Variants in SCFD2 observed in about 807,000 individuals in gnomAD.
The protein encoded by SCFD2 is sec1 family domain containing 2.
In SCFD2, 54 loss-of-function variants were observed where a neutral mutation model predicts 58.9. The observed-to-expected ratio is 0.92, with a 90% CI of 0.74 to 1.15. The LOEUF is 1.15. SCFD2 is among the 50% of genes most tolerant of loss of function. SCFD2 has a pLI of 0.00. For missense variants in SCFD2, 805 were observed against 836.6 expected (o/e 0.96, Z 0.47); for synonymous variants, 321 against 335.9 (o/e 0.96, Z 0.49).
rs1410150001 is a variant in SCFD2, at chr4:53,138,853, T to C, written c.1561+6480A>G. Among the ~76,000 whole-genome samples the C allele has an allele frequency of 3.1e-3, 434 of 141,628 alleles. 1 individual carries two copies. Among genetic ancestry groups the C allele is most frequent in the South Asian group, 5.4e-3 (22 of 4,110 alleles). The allele number at this position is 141,628 out of a possible 152,430, so 92.9% of individuals were successfully genotyped here. A position where few individuals can be genotyped will look rare whatever the true frequency, so the allele number is the denominator to read the frequency against. ...TATTTAACAGATGAAAGAAAATCCC[T>C]CTCCCCCTCCCCCTCCCCCTCCCTC... is the stretch of plus-strand genomic sequence containing the variant. On this transcript the variant is annotated intron_variant, in intron 5 of 8. Transcript: ENST00000401642.
chr4:53,194,232 C>T (rs1293439834), intron 4 of SCFD2, among the ~76,000 whole-genome samples: 1 of 152,082 alleles, frequency 6.6e-6, no homozygotes. Flanking sequence ...CTTTTTGTCT[C>T]GTGTGTAAAC....
At chr4:53,259,959 A>ATTTT (rs3065029) in intron 4 of SCFD2, among the ~76,000 whole-genome samples, 15 of 142,132 alleles carry the variant, frequency 1.1e-4, no homozygotes, top group Non-Finnish European at 1.5e-4. Context: ...ATAACCAGGT[A>ATTTT]TTTTTTTTTT....
At chr4:52,977,935 T>C (rs988416851) in intron 5 of SCFD2, among the ~76,000 whole-genome samples, 1 of 152,104 alleles carries the variant, frequency 6.6e-6, no homozygotes, top group Non-Finnish European at 1.5e-5. Flanking sequence ...AAGCCTGGAG[T>C]CAAGTATGAG....
chr4:52,899,138 A>G (rs59179284), intron 7 of SCFD2, among the ~76,000 whole-genome samples: 3,341 of 152,314 alleles, frequency 0.022, 133 homozygotes, highest in African/African-American at 0.077. Flanking sequence ...TGGAGCATGT[A>G]GCCCATTTAC....
intron 3 of SCFD2, among the ~76,000 whole-genome samples, chr4:53,309,400 CAAATT>C (rs1481690960): frequency 1.3e-5 from 2 of 152,092 alleles, no homozygotes; most frequent in Admixed American, 6.6e-5. Context: ...ACTAGGAGAG[CAAATT>C]AAGAAGTATC....
chr4:52,950,091 G>C (rs550374913), intron 5 of SCFD2: 6 of 152,336 alleles, frequency 3.9e-5, no homozygotes, highest in Admixed American at 2.0e-4. Flanking sequence ...AATTAAATCT[G>C]AGGACAAAAG....
At chr4:53,232,832 C>A (rs1363561486) in intron 4 of SCFD2, among the ~76,000 whole-genome samples, 1 of 152,188 alleles carries the variant, frequency 6.6e-6, no homozygotes, top group African/African-American at 2.4e-5. Flanking sequence ...CACTCTTCTA[C>A]ATCTTCCACC....
At chr4:53,281,343 G>A (rs1321791798) in intron 3 of SCFD2, among the ~76,000 whole-genome samples, 2 of 152,136 alleles carry the variant, frequency 1.3e-5, no homozygotes, top group African/African-American at 4.8e-5. Flanking sequence ...CATGAGCCCT[G>A]ACTCCTAGTA....
intron 2 of SCFD2, among the ~76,000 whole-genome samples, chr4:53,329,283 C>T (rs963453120): frequency 1.3e-5 from 2 of 152,214 alleles, no homozygotes; most frequent in Non-Finnish European, 2.9e-5. Context: ...GGCTTCACCT[C>T]TGGGGGCAGG....
At chr4:53,077,755 T>G (rs1406339354) in intron 5 of SCFD2, among the ~76,000 whole-genome samples, 1 of 152,156 alleles carries the variant, frequency 6.6e-6, no homozygotes, top group Non-Finnish European at 1.5e-5. Flanking sequence ...CATTTATTTC[T>G]AATAATAATA....
chr4:53,233,362 T>A lies in SCFD2; in HGVS notation c.1311+40464A>T, dbSNP rs530786972. On this transcript the variant is annotated intron_variant, in intron 4 of 8. Coordinates refer to ENST00000401642, the MANE Select transcript of SCFD2 (RefSeq NM_152540.4). ...TTTGGTCATGCAAGAATAACCAGAATGGTTGTATCCTCCTTGTTTTTCACA... is the reference window on the plus strand; with the variant it reads ...TTTGGTCATGCAAGAATAACCAGAAAGGTTGTATCCTCCTTGTTTTTCACA... Among the ~76,000 whole-genome samples the A allele has an allele frequency of 2.0e-5, 3 of 152,064 alleles. No individual in the cohort carries two copies. The East Asian group carries it at 5.8e-4, about 30-fold the overall frequency.
At chr4:53,310,860 T>C (rs1269328394) in intron 3 of SCFD2, among the ~76,000 whole-genome samples, 1 of 152,200 alleles carries the variant, frequency 6.6e-6, no homozygotes, top group East Asian at 1.9e-4. Flanking sequence ...TAAATTTAAA[T>C]ACAAGGGAAT....
intron 4 of SCFD2, among the ~76,000 whole-genome samples, chr4:53,169,969 C>T (rs984236482): frequency 2.0e-5 from 3 of 152,246 alleles, no homozygotes; most frequent in African/African-American, 7.2e-5. Context: ...TATTTTCTCC[C>T]AGTCTCTCTA....
At chr4:52,922,313 A>T (rs1446823961) in intron 5 of SCFD2, among the ~76,000 whole-genome samples, 1 of 152,092 alleles carries the variant, frequency 6.6e-6, no homozygotes, top group African/African-American at 2.4e-5. Context: ...TGTCACCCCA[A>T]CAAGAAATCC....
At chr4:53,190,578 CACGGCATTAT>C (rs1727864424) in intron 4 of SCFD2, among the ~76,000 whole-genome samples, 1 of 152,074 alleles carries the variant, frequency 6.6e-6, no homozygotes, top group African/African-American at 2.4e-5. Flanking sequence ...GGCATTTATC[CACGGCATTAT>C]ACTTTCTAAT....
intron 7 of SCFD2, among the ~76,000 whole-genome samples, chr4:52,897,147 T>G (rs969550542): frequency 6.6e-6 from 1 of 151,600 alleles, no homozygotes; most frequent in African/African-American, 2.4e-5. Flanking sequence ...ATACCCTTTA[T>G]TTCCTTCTCC....
chr4:53,235,608 G>A (rs1424010628), intron 4 of SCFD2, among the ~76,000 whole-genome samples: 1 of 152,216 alleles, frequency 6.6e-6, no homozygotes, highest in Non-Finnish European at 1.5e-5. Flanking sequence ...ATTCAGGGAA[G>A]TCCTCCTTGA....
chr4:53,172,737 C>T (rs1467674058), intron 4 of SCFD2, among the ~76,000 whole-genome samples: 2 of 152,156 alleles, frequency 1.3e-5, no homozygotes, highest in Non-Finnish European at 2.9e-5. Flanking sequence ...TAAGTTTATT[C>T]AGACTTGTTT....
chr4:52,913,654 C>A (rs1407914235), intron 6 of SCFD2, among the ~76,000 whole-genome samples: 2 of 152,170 alleles, frequency 1.3e-5, no homozygotes, highest in Non-Finnish European at 2.9e-5. Flanking sequence ...ACCACACCGC[C>A]CCACCCTGCA....
Sources: gnomAD v4.1 joint callset for allele counts (sites outside exome capture counted in the v4.1 genomes callset) on GRCh38, gnomAD v4.1.1 for gene constraint, MANE v1.5 for transcripts, NCBI Gene and HGNC (gene_info 2026-07-23, HGNC 2026-07-21) for gene names.